The following TMEM232 variants were observed in gnomAD, a reference collection of about 807,000 sequenced individuals.
The protein encoded by TMEM232 is transmembrane protein 232.
TMEM232 carries 80 observed loss-of-function variants against 78.8 expected under a neutral mutation model. The observed-to-expected ratio is 1.01, with a 90% CI of 0.85 to 1.22. TMEM232 has a LOEUF of 1.22. Among genes scored for constraint, TMEM232 ranks in the 50% most tolerant of loss-of-function variants. The pLI is 0.00. For missense variants in TMEM232, 881 were observed against 742.2 expected (o/e 1.19, Z -2.17); for synonymous variants, 297 against 254.3 (o/e 1.17, Z -1.60).
chr5:110,461,807 A>C (rs2149356113), intron 12 of TMEM232, among the ~76,000 whole-genome samples: 1 of 152,332 alleles, frequency 6.6e-6, no homozygotes, highest in Middle Eastern at 3.4e-3. Flanking sequence ...AATATAGTTT[A>C]ACAAAGCCTA....
At chr5:110,595,511 G>A (rs188931907) in intron 10 of TMEM232, among the ~76,000 whole-genome samples, 325 of 152,180 alleles carry the variant, frequency 2.1e-3, no homozygotes, top group African/African-American at 7.1e-3. Context: ...CCAATACAAG[G>A]AAACTAAGAA....
At chr5:110,470,214 C>T (rs1375316089) in intron 12 of TMEM232, among the ~76,000 whole-genome samples, 1 of 152,116 alleles carries the variant, frequency 6.6e-6, no homozygotes, top group Non-Finnish European at 1.5e-5. Flanking sequence ...ACCTTCTCTT[C>T]CCCAGGGACG....
upstream of TMEM232, among the ~76,000 whole-genome samples, chr5:110,727,745 C>A (rs541499173): frequency 1.3e-5 from 2 of 152,258 alleles, no homozygotes; most frequent in African/African-American, 4.8e-5. Flanking sequence ...TTTTTGAGTG[C>A]ATTTTTATGT....
chr5:110,586,357 A>C (rs2149748558), intron 10 of TMEM232, among the ~76,000 whole-genome samples: 1 of 152,192 alleles, frequency 6.6e-6, no homozygotes, highest in Middle Eastern at 3.4e-3. Flanking sequence ...GATGGTCATA[A>C]AGGTACTGTG....
intron 13 of TMEM232, among the ~76,000 whole-genome samples, chr5:110,424,349 A>G (rs1327864205): frequency 1.3e-5 from 2 of 152,210 alleles, no homozygotes; most frequent in Admixed American, 1.3e-4. Flanking sequence ...AATTATCAAC[A>G]AAATATAGCA....
intron 11 of TMEM232, among the ~76,000 whole-genome samples, chr5:110,529,349 G>A (rs577439137): frequency 1.3e-5 from 2 of 151,966 alleles, no homozygotes; most frequent in South Asian, 4.1e-4. Flanking sequence ...GGGTTCAACC[G>A]ATTCTCCTGC....
rs944465734 is a variant in TMEM232, at chr5:110,447,386, C to T, written c.1704-22470G>A. Among the ~76,000 whole-genome samples the T allele has an allele frequency of 1.2e-4, 18 of 152,110 alleles. No homozygotes were observed. The East Asian group carries it at 3.5e-3, about 30-fold the overall frequency. ...CTGTGGTTATCACTGTGCCACCTAG[C>T]TGCACATCTAAGTAGGGGCTTCGAC... is the stretch of plus-strand genomic sequence containing the variant. On this transcript the variant is annotated intron_variant, in intron 12 of 13. Transcript: ENST00000455884.
At chr5:110,427,087 TAATG>T (rs1419764106) in intron 12 of TMEM232, among the ~76,000 whole-genome samples, 3 of 151,848 alleles carry the variant, frequency 2.0e-5, no homozygotes, top group Non-Finnish European at 4.4e-5. Flanking sequence ...ATAGAGAACA[TAATG>T]AAAGATAACA....
At chr5:110,600,870 G>A (rs1348330349) in intron 10 of TMEM232, among the ~76,000 whole-genome samples, 2 of 151,890 alleles carry the variant, frequency 1.3e-5, no homozygotes, top group African/African-American at 2.4e-5. Flanking sequence ...AAAGGTTTCA[G>A]GACAATATCC....
At chr5:110,522,907 G>A (rs1160535686) in intron 12 of TMEM232, among the ~76,000 whole-genome samples, 1 of 152,078 alleles carries the variant, frequency 6.6e-6, no homozygotes, top group Non-Finnish European at 1.5e-5. Flanking sequence ...TTTGGTATCA[G>A]GATAAAGCTG....
At chr5:110,571,140 ATGTAT>A (rs1473765329) in intron 10 of TMEM232, among the ~76,000 whole-genome samples, 9 of 151,974 alleles carry the variant, frequency 5.9e-5, no homozygotes, top group Admixed American at 5.9e-4. Context: ...CTTGTGCCTG[ATGTAT>A]TGTATCATAT....
At chr5:110,698,178 A>G (rs1006813348) in intron 1 of TMEM232, among the ~76,000 whole-genome samples, 4 of 152,106 alleles carry the variant, frequency 2.6e-5, no homozygotes, top group Non-Finnish European at 4.4e-5. Flanking sequence ...TCAGCAAACT[A>G]TCACAAGGAA....
At chr5:110,399,296 A>T (rs75626200) in intron 2 of TMEM232, among the ~76,000 whole-genome samples, 2,973 of 152,240 alleles carry the variant, frequency 0.02, 92 homozygotes, top group African/African-American at 0.068. Context: ...GATTCTTGTA[A>T]CACTGAGCAG....
intron 2 of TMEM232, among the ~76,000 whole-genome samples, chr5:110,408,525 G>A (rs1460562719): frequency 6.6e-6 from 1 of 152,070 alleles, no homozygotes; most frequent in Non-Finnish European, 1.5e-5. Context: ...CCAGGAGAAA[G>A]AGGTTGCAGT....
intron 9 of TMEM232, among the ~76,000 whole-genome samples, chr5:110,605,915 CCAA>C (rs1435283726): frequency 6.6e-6 from 1 of 151,862 alleles, no homozygotes; most frequent in Non-Finnish European, 1.5e-5. Flanking sequence ...AATTTAATAA[CCAA>C]CAATACAGAA....
chr5:110,719,247 A>C (rs988027866), intron 1 of TMEM232, among the ~76,000 whole-genome samples: 1 of 152,004 alleles, frequency 6.6e-6, no homozygotes, highest in Non-Finnish European at 1.5e-5. Context: ...ACACACAGTC[A>C]TGTGCTGCAT....
At chr5:110,699,479 T>A (rs1452865421) in intron 1 of TMEM232, among the ~76,000 whole-genome samples, 2 of 152,004 alleles carry the variant, frequency 1.3e-5, no homozygotes, top group African/African-American at 4.8e-5. Flanking sequence ...AAAATGGGAC[T>A]CTTTTGAGAT....
chr5:110,596,390 A>G (rs932659903), intron 10 of TMEM232, among the ~76,000 whole-genome samples: 1 of 152,230 alleles, frequency 6.6e-6, no homozygotes, highest in African/African-American at 2.4e-5. Context: ...CCAACCAAAA[A>G]GAGTCCAGGA....
Position 110,606,158 on chromosome 5 carries a change from T to A in TMEM232, c.1026+6A>T, listed in dbSNP as rs907985427. On this transcript the variant is annotated splice_donor_region_variant and intron_variant, in intron 9 of 13. Transcript: ENST00000455884. The stretch of plus-strand genomic sequence containing the variant: ...TCTCTTTTCACATATAAATTAGCAA[T>A]GTTACCTGATTTTGAACAGACATAA... 6.5e-7 allele frequency: 1 copy of A among 1,533,664 alleles called. No individual in the cohort carries two copies. The highest frequency in any genetic ancestry group is 1.4e-5 in the African/African-American group (1 of 72,660).
Sources: allele counts gnomAD v4.1 joint callset (sites outside exome capture counted in the v4.1 genomes callset), GRCh38; gene constraint gnomAD v4.1.1; transcripts MANE v1.5; gene names NCBI Gene and HGNC (gene_info 2026-07-23, HGNC 2026-07-21).